Variants in ARHGEF7 observed in about 807,000 individuals in gnomAD.
ARHGEF7 encodes the protein PAK-interacting exchange factor beta.
Under a neutral mutation model 109.8 loss-of-function variants are expected in ARHGEF7, and 33 were observed. That is an observed-to-expected ratio of 0.30 (90% CI 0.23 to 0.40). The LOEUF (loss-of-function observed/expected upper bound fraction) is 0.40. ARHGEF7 is among the 10% of genes least tolerant of loss of function. The probability of loss-of-function intolerance (pLI) is 1.00; values close to 1 mark genes in which losing one functional copy is unlikely to be tolerated. For missense variants in ARHGEF7, 938 were observed against 1,098.5 expected (o/e 0.85, Z 2.07); for synonymous variants, 458 against 424.6 (o/e 1.08, Z -0.97).
chr13:111,152,002 T>C (rs567335099), intron 1 of ARHGEF7, among the ~76,000 whole-genome samples: 1 of 152,308 alleles, frequency 6.6e-6, no homozygotes, highest in South Asian at 2.1e-4. Context: ...CAAGTATTGA[T>C]TTTTGGGTTA....
intron 2 of ARHGEF7, chr13:111,186,758 G>A (rs1216235282): frequency 2.1e-6 from 2 of 956,338 alleles, no homozygotes; most frequent in African/African-American, 1.8e-5. Context: ...TGGAGGAGGC[G>A]AGCTGACTGG....
intron 2 of ARHGEF7, among the ~76,000 whole-genome samples, chr13:111,188,739 G>A (rs1237836018): frequency 6.6e-6 from 1 of 152,218 alleles, no homozygotes; most frequent in Non-Finnish European, 1.5e-5. Flanking sequence ...AGAATTCTCT[G>A]TGTCTTAGCC....
chr13:111,141,631 TA>T (rs888065112), intron 1 of ARHGEF7, among the ~76,000 whole-genome samples: 35 of 149,024 alleles, frequency 2.3e-4, no homozygotes, highest in African/African-American at 7.7e-4. Context: ...GGTTCCTCCA[TA>T]TTTTTTTTTT....
chr13:111,221,215 G>C (rs374040800), intron 5 of ARHGEF7, among the ~76,000 whole-genome samples: 4 of 26,484 alleles, frequency 1.5e-4, no homozygotes, highest in Middle Eastern at 0.042. Context: ...AGATATATAT[G>C]TCTATATATA....
intron 2 of ARHGEF7, among the ~76,000 whole-genome samples, chr13:111,198,990 G>A (rs953440533): frequency 6.6e-6 from 1 of 152,176 alleles, no homozygotes; most frequent in Non-Finnish European, 1.5e-5. Flanking sequence ...GTGCTGATAG[G>A]TGCGTTTACA....
intron 2 of ARHGEF7, among the ~76,000 whole-genome samples, chr13:111,163,436 C>T (rs903092132): frequency 7.9e-5 from 12 of 152,134 alleles, no homozygotes; most frequent in Non-Finnish European, 1.5e-4. Context: ...GGAATGTCTT[C>T]TTTGTCTAGA....
chr13:111,292,604 G>GT (rs925125187), intron 19 of ARHGEF7: 1 of 1,242,850 alleles, frequency 8.0e-7, no homozygotes, highest in Non-Finnish European at 1.0e-6. Flanking sequence ...GCTCCAAATG[G>GT]TTTTTTTATT....
At chr13:111,179,740 G>C (rs1399095762) in intron 2 of ARHGEF7, among the ~76,000 whole-genome samples, 2 of 152,152 alleles carry the variant, frequency 1.3e-5, no homozygotes, top group African/African-American at 4.8e-5. Flanking sequence ...TTAACGTTAG[G>C]ATTTGACGCT....
intron 8 of ARHGEF7, among the ~76,000 whole-genome samples, chr13:111,246,747 CTT>C (rs2088921461): frequency 6.6e-6 from 1 of 152,136 alleles, no homozygotes; most frequent in Non-Finnish European, 1.5e-5. Context: ...AATTCAAAGT[CTT>C]TGTAAGAGTT....
At chr13:111,265,073 G>T (rs2091480723) in intron 8 of ARHGEF7, among the ~76,000 whole-genome samples, 1 of 139,726 alleles carries the variant, frequency 7.2e-6, no homozygotes, top group Non-Finnish European at 1.5e-5. Context: ...GCAGTGAGCT[G>T]AGATGGTGCC....
rs76670641 is a variant in ARHGEF7 at position 111,280,746 on chromosome 13, G to A, written c.1725+69G>A. ...CATCCCGTGGCTGAGCTGTCAGCAA[G>A]TGATCAGTTGCTTTAAAACCTAATC... On this transcript the variant is annotated intron_variant, in intron 15 of 21. Coordinates refer to ENST00000646102, the MANE Select transcript of ARHGEF7 (RefSeq NM_001354046.2). The A allele has an allele frequency of 5.8e-5, 80 of 1,386,726 alleles. No homozygotes were observed. The African/African-American group carries it at 1.2e-3, about 20-fold the overall frequency. The allele number at this position is 1,386,726 out of a possible 1,614,324, so 85.9% of individuals were successfully genotyped here.
rs1253943210 is a variant in ARHGEF7, at chr13:111,266,850, G to A, written c.951-698G>A. The A allele has an allele frequency of 4.4e-6, 2 of 456,084 alleles. No individual in the cohort carries two copies. Among genetic ancestry groups the A allele is most frequent in the South Asian group, 3.1e-5 (2 of 64,562 alleles). The allele number at this position is 456,084 out of a possible 1,614,324, so 28.3% of individuals were successfully genotyped here. ...AGCACACGTGCCCCTGCTCCGGGTTGTTGCTGTTGTCCTTCAGAAACTCTG... is the reference window on the plus strand; with the variant it reads ...AGCACACGTGCCCCTGCTCCGGGTTATTGCTGTTGTCCTTCAGAAACTCTG... On this transcript the variant is annotated intron_variant, in intron 8 of 21. Transcript: ENST00000646102. This position sits in a 1 kb window ranked among gnomAD's most constrained non-coding sequence, Gnocchi z 4.8.
chr13:111,157,593 A>C (rs2076439060), intron 2 of ARHGEF7, among the ~76,000 whole-genome samples: 1 of 152,138 alleles, frequency 6.6e-6, no homozygotes, highest in Non-Finnish European at 1.5e-5. Context: ...AATGATGATG[A>C]TGATGATGTT....
At chr13:111,168,268 C>T (rs527757642) in intron 2 of ARHGEF7, among the ~76,000 whole-genome samples, 6 of 152,296 alleles carry the variant, frequency 3.9e-5, no homozygotes, top group Middle Eastern at 6.8e-3. Context: ...TCTGTCTCTG[C>T]GGTGTGCGAC....
chr13:111,124,556 G>C (rs1205298822), intron 1 of ARHGEF7, among the ~76,000 whole-genome samples: 1 of 152,182 alleles, frequency 6.6e-6, no homozygotes, highest in Non-Finnish European at 1.5e-5. Flanking sequence ...AGGATGGCAA[G>C]AGGGGTGGCC....
At chr13:111,130,870 G>A (rs371505997) in intron 1 of ARHGEF7, among the ~76,000 whole-genome samples, 46 of 152,300 alleles carry the variant, frequency 3.0e-4, no homozygotes, top group African/African-American at 1.0e-3. Flanking sequence ...GGAGGGGCAT[G>A]CACCCCTACA....
intron 8 of ARHGEF7, among the ~76,000 whole-genome samples, chr13:111,249,960 T>C (rs2089508512): frequency 6.6e-6 from 1 of 152,250 alleles, no homozygotes; most frequent in Admixed American, 6.5e-5. Context: ...GATTCTGTTA[T>C]CTTTCATGCT....
intron 2 of ARHGEF7, among the ~76,000 whole-genome samples, chr13:111,186,437 C>T (rs1009810970): frequency 3.9e-5 from 6 of 152,086 alleles, no homozygotes; most frequent in Non-Finnish European, 2.9e-5. Context: ...TGATAGCATC[C>T]GTCATCAGAC....
intron 16 of ARHGEF7, among the ~76,000 whole-genome samples, chr13:111,285,283 C>G (rs2092971027): frequency 1.3e-5 from 2 of 152,304 alleles, no homozygotes; most frequent in Admixed American, 6.5e-5. Context: ...AAAAACCAAG[C>G]TTTGTTTCCT....
Sources: gnomAD v4.1 joint callset for allele counts (sites outside exome capture counted in the v4.1 genomes callset) on GRCh38, gnomAD v4.1.1 for gene constraint, Gnocchi (gnomAD v3.1) non-coding constraint, MANE v1.5 for transcripts, NCBI Gene and HGNC (gene_info 2026-07-23, HGNC 2026-07-21) for gene names.